Variants in SIPA1L2 observed in about 807,000 individuals in gnomAD.
SIPA1L2 encodes signal-induced proliferation-associated 1-like protein 2.
SIPA1L2 carries 56 observed loss-of-function variants against 163.9 expected under a neutral mutation model. The ratio of observed to expected loss-of-function variants is 0.34; its 90% CI spans 0.28 to 0.43. The LOEUF (loss-of-function observed/expected upper bound fraction) is 0.43. Among genes scored for constraint, SIPA1L2 ranks in the 20% least tolerant of loss-of-function variants. The pLI, the probability that SIPA1L2 is intolerant of heterozygous loss-of-function variation, is 1.00. For missense variants in SIPA1L2, 1,974 were observed against 2,193.5 expected, an observed-to-expected ratio of 0.90 and a Z score of 2.00; for synonymous variants, 877 against 865.7, an observed-to-expected ratio of 1.01 and a Z score of -0.23.
chr1:232,535,245 TG>T (rs1657230821), intron 2 of SIPA1L2, among the ~76,000 whole-genome samples: 2 of 152,280 alleles, frequency 1.3e-5, no homozygotes, highest in Middle Eastern at 3.4e-3. Context: ...CCACAACATA[TG>T]TTTTTTTTTA....
intron 2 of SIPA1L2, among the ~76,000 whole-genome samples, chr1:232,536,174 T>C (rs1657293427): frequency 6.6e-6 from 1 of 152,214 alleles, no homozygotes; most frequent in African/African-American, 2.4e-5. Context: ...AAAACAAGTC[T>C]ATGTTATCTA....
intron 6 of SIPA1L2, among the ~76,000 whole-genome samples, chr1:232,483,225 T>C (rs890261289): frequency 6.6e-6 from 1 of 150,954 alleles, no homozygotes; most frequent in Non-Finnish European, 1.5e-5. Flanking sequence ...CTAAATAAAA[T>C]CCTTGAAAAA....
chr1:232,483,033 T>C (rs954936728), intron 6 of SIPA1L2, among the ~76,000 whole-genome samples: 1 of 152,206 alleles, frequency 6.6e-6, no homozygotes, highest in African/African-American at 2.4e-5. Context: ...CAGATACTCA[T>C]AGCAACTAAA....
intron 19 of SIPA1L2, among the ~76,000 whole-genome samples, chr1:232,410,686 G>A (rs996386781): frequency 2.0e-5 from 3 of 151,860 alleles, no homozygotes; most frequent in African/African-American, 7.3e-5. Flanking sequence ...TCCACACCTG[G>A]GCCTTTGACC....
intron 1 of SIPA1L2, among the ~76,000 whole-genome samples, chr1:232,607,997 G>A (rs76774827): frequency 6.9e-6 from 1 of 144,906 alleles, no homozygotes; most frequent in Non-Finnish European, 1.5e-5. Context: ...GGAGGTTGCG[G>A]TGAGCCGAGA....
intron 8 of SIPA1L2, among the ~76,000 whole-genome samples, chr1:232,466,051 G>T (rs1038835456): frequency 6.6e-6 from 1 of 151,990 alleles, no homozygotes; most frequent in African/African-American, 2.4e-5. Flanking sequence ...GCATTAGTAC[G>T]GCAGTGCTAC....
chr1:232,557,301 GTCTC>G (rs1658770035), intron 2 of SIPA1L2, among the ~76,000 whole-genome samples: 1 of 152,174 alleles, frequency 6.6e-6, no homozygotes, highest in African/African-American at 2.4e-5. Flanking sequence ...GTGGTTATCA[GTCTC>G]TCTATTAAGA....
intron 5 of SIPA1L2, among the ~76,000 whole-genome samples, chr1:232,490,396 G>A (rs1665865982): frequency 6.6e-6 from 1 of 152,120 alleles, no homozygotes; most frequent in African/African-American, 2.4e-5. Context: ...ATTCTGCCTT[G>A]GAGAGGCCTT....
At chr1:232,435,390 A>G (rs1339334375) in intron 15 of SIPA1L2, among the ~76,000 whole-genome samples, 2 of 152,244 alleles carry the variant, frequency 1.3e-5, no homozygotes, top group Non-Finnish European at 2.9e-5. Context: ...GCAATGTGGC[A>G]TAATTCCTTG....
chr1:232,431,017 G>A (rs796071228), intron 16 of SIPA1L2, among the ~76,000 whole-genome samples: 86 of 152,306 alleles, frequency 5.6e-4, no homozygotes, highest in African/African-American at 2.0e-3. Flanking sequence ...AAACCAGTGC[G>A]TGGAAATGCA....
At chr1:232,467,165 T>C (rs1182532974) in intron 8 of SIPA1L2, among the ~76,000 whole-genome samples, 3 of 152,222 alleles carry the variant, frequency 2.0e-5, no homozygotes, top group Non-Finnish European at 4.4e-5. Flanking sequence ...TAATCACCTG[T>C]AGCGGCAAGA....
intron 2 of SIPA1L2, among the ~76,000 whole-genome samples, chr1:232,541,594 C>G (rs1657681546): frequency 6.6e-6 from 1 of 152,144 alleles, no homozygotes; most frequent in African/African-American, 2.4e-5. Context: ...TTAGTTAAGA[C>G]AGTAAGTCGA....
In SIPA1L2 at chr1:232,469,458, G is replaced by C. The variant is rs114301366; in HGVS notation, c.2243+1913C>G. Among the ~76,000 whole-genome samples the C allele has an allele frequency of 9.8e-3, 1,489 of 152,248 alleles. 28 individuals carry two copies. The highest frequency in any genetic ancestry group is 0.034 in the African/African-American group (1,424 of 41,542). ...TAAGGACAGCTTCATAAAATGTTAT[G>C]GAATTCATGTGACTACAGGATTACT... is the stretch of plus-strand genomic sequence containing the variant. On this transcript the variant is annotated intron_variant, in intron 8 of 22. Transcript: ENST00000674635.
intron 2 of SIPA1L2, among the ~76,000 whole-genome samples, chr1:232,561,718 G>C (rs41271523): frequency 6.6e-6 from 1 of 152,156 alleles, no homozygotes; most frequent in Non-Finnish European, 1.5e-5. Context: ...GAGTGACTCT[G>C]GATAAGTTAC....
chr1:232,417,338 T>G (rs927308196), intron 18 of SIPA1L2, among the ~76,000 whole-genome samples: 4 of 152,304 alleles, frequency 2.6e-5, no homozygotes, highest in Admixed American at 2.6e-4. Flanking sequence ...CACCTAATTA[T>G]TCCCTGCCTC....
At position 232,514,778 on chromosome 1, in the gene SIPA1L2, G is replaced by A. The variant is rs1420277150; in HGVS notation, c.562C>T (p.Leu188=). 5 of 1,614,094 alleles carry A rather than the reference G, an allele frequency of 3.1e-6. No homozygotes were observed. In the African/African-American group the frequency reaches 4.0e-5, roughly 13 times the overall value. ...GAAGTACTTCCATACTCCCTGTGCAGGGCAGCCCCGGTGTTGGGGTTGACT... is the reference window on the plus strand; with the variant it reads ...GAAGTACTTCCATACTCCCTGTGCAAGGCAGCCCCGGTGTTGGGGTTGACT... ...NAVNPNTGAA[L]HREYGSTSSI... is the part of the protein sequence containing the mutation. The change falls in exon 3 of 23, where the codon CTG becomes TTG. Residue 188 remains leucine, a synonymous_variant. Transcript: ENST00000674635.
intron 10 of SIPA1L2, among the ~76,000 whole-genome samples, chr1:232,449,764 G>A (rs1401457227): frequency 6.6e-6 from 1 of 151,108 alleles, no homozygotes; most frequent in Non-Finnish European, 1.5e-5. Context: ...CAGACTCCTG[G>A]GTTAAGGAAG....
At chr1:232,443,091 C>T (rs1051661319) in intron 12 of SIPA1L2, among the ~76,000 whole-genome samples, 1 of 152,184 alleles carries the variant, frequency 6.6e-6, no homozygotes, top group African/African-American at 2.4e-5. Flanking sequence ...TCCCTCTTCT[C>T]TTCCCAGAGG....
intron 3 of SIPA1L2, among the ~76,000 whole-genome samples, chr1:232,501,239 T>C (rs1666466035): frequency 6.6e-6 from 1 of 151,994 alleles, no homozygotes; most frequent in Non-Finnish European, 1.5e-5. Flanking sequence ...ATGAAGCATT[T>C]ACATTAAGAT....
Sources: gnomAD v4.1 joint callset for allele counts (sites outside exome capture counted in the v4.1 genomes callset) on GRCh38, gnomAD v4.1.1 for gene constraint, MANE v1.5 for transcripts, NCBI Gene and HGNC (gene_info 2026-07-23, HGNC 2026-07-21) for gene names.